OSBPL10: variants seen among roughly 807,000 people sequenced by gnomAD.
OSBPL10 encodes the protein oxysterol binding protein like 10.
Under a neutral mutation model 81.7 loss-of-function variants are expected in OSBPL10, and 49 were observed. The ratio of observed to expected loss-of-function variants is 0.60; its 90% CI spans 0.48 to 0.76. OSBPL10 has a LOEUF of 0.76. OSBPL10 is among the 30% of genes least tolerant of loss of function. The probability of loss-of-function intolerance (pLI) is 0.00; values close to 1 mark genes in which losing one functional copy is unlikely to be tolerated. For missense variants in OSBPL10, 923 were observed against 987.8 expected, an observed-to-expected ratio of 0.93 and a Z score of 0.88; for synonymous variants, 419 against 383.6, an observed-to-expected ratio of 1.09 and a Z score of -1.08.
At position 31,765,268 on chromosome 3, in the gene OSBPL10, G is replaced by A. The variant is rs150355582; in HGVS notation, c.730-17148C>T. 7.8e-3 allele frequency among the ~76,000 whole-genome samples: 1,181 copies of A among 151,936 alleles called. 14 individuals are homozygous for A. The highest frequency in any genetic ancestry group is 0.017 in the African/African-American group (694 of 41,440). Reference sequence around the variant, plus strand: ...ATCCAGGCTGGTCTAGAACCCCTGAGCAAGTGATCTGCCCACCTCAGCCTC... The same window carrying A: ...ATCCAGGCTGGTCTAGAACCCCTGAACAAGTGATCTGCCCACCTCAGCCTC... On this transcript the variant is annotated intron_variant, in intron 4 of 11. Coordinates refer to ENST00000396556, the MANE Select transcript of OSBPL10 (RefSeq NM_017784.5).
intron 4 of OSBPL10, among the ~76,000 whole-genome samples, chr3:31,753,732 TG>T (rs1697790490): frequency 6.6e-6 from 1 of 152,176 alleles, no homozygotes; most frequent in African/African-American, 2.4e-5. Flanking sequence ...TCAAAATCCT[TG>T]CCTTGTTGTT....
intron 1 of OSBPL10, among the ~76,000 whole-genome samples, chr3:31,950,793 T>G (rs990457036): frequency 6.6e-6 from 1 of 152,162 alleles, no homozygotes; most frequent in Non-Finnish European, 1.5e-5. Context: ...GAGCTGGTTG[T>G]TTAAAGGAGC....
At chr3:31,951,233 G>C (rs891922963) in intron 1 of OSBPL10, among the ~76,000 whole-genome samples, 7 of 150,814 alleles carry the variant, frequency 4.6e-5, no homozygotes, top group African/African-American at 9.8e-5. Context: ...ACTGAAGTTA[G>C]ACACAATAAC....
chr3:31,698,784 A>T (rs1695805593), intron 7 of OSBPL10, among the ~76,000 whole-genome samples: 1 of 152,112 alleles, frequency 6.6e-6, no homozygotes, highest in Non-Finnish European at 1.5e-5. Context: ...AATGTTACCT[A>T]GTAGAATCCT....
At chr3:31,989,368 AT>A in intron 2 of OSBPL10, 4 of 1,614,216 alleles carry the variant, frequency 2.5e-6, no homozygotes, top group Non-Finnish European at 3.4e-6. Flanking sequence ...AAGTCATCAC[AT>A]TGGAGATTTT....
intron 1 of OSBPL10, among the ~76,000 whole-genome samples, chr3:31,907,690 T>C (rs1696452059): frequency 7.2e-6 from 1 of 139,440 alleles, no homozygotes; most frequent in African/African-American, 2.7e-5. Flanking sequence ...CTAGTTCATA[T>C]AAGGACCAGG....
chr3:32,030,316 GA>G, intron 2 of OSBPL10: 2 of 464,334 alleles, frequency 4.3e-6, no homozygotes, highest in East Asian at 9.6e-5. Flanking sequence ...TGATACTGTG[GA>G]AATCAAGGGA....
intron 5 of OSBPL10, among the ~76,000 whole-genome samples, chr3:31,740,233 T>C (rs553166315): frequency 6.6e-6 from 1 of 152,128 alleles, no homozygotes; most frequent in African/African-American, 2.4e-5. Context: ...TTTGGAGAGA[T>C]GGGTTTCACC....
rs75842683 is a variant in OSBPL10 at position 31,850,909 on chromosome 3, T to A, written c.538-20678A>T. Among the ~76,000 whole-genome samples, 512 of 152,330 alleles carry A rather than the reference T, an allele frequency of 3.4e-3. 1 individual carries two copies. Among genetic ancestry groups the A allele is most frequent in the Non-Finnish European group, 5.2e-3 (351 of 68,040 alleles). On this transcript the variant is annotated intron_variant, in intron 3 of 11. Coordinates refer to ENST00000396556, the MANE Select transcript of OSBPL10 (RefSeq NM_017784.5). Reference sequence around the variant, plus strand: ...ATGATAGAACTATTGAGAAGAATACTCGAGTTTCTTCCATTCCTGAACTGC... The same window carrying A: ...ATGATAGAACTATTGAGAAGAATACACGAGTTTCTTCCATTCCTGAACTGC...
At chr3:31,902,598 T>C (rs760672845) in intron 1 of OSBPL10, among the ~76,000 whole-genome samples, 3 of 152,146 alleles carry the variant, frequency 2.0e-5, no homozygotes, top group Non-Finnish European at 4.4e-5. Context: ...AGTCTTGCTC[T>C]GTCGCCCAGG....
intron 1 of OSBPL10, among the ~76,000 whole-genome samples, chr3:31,929,665 G>A (rs986249920): frequency 7.3e-5 from 11 of 151,332 alleles, no homozygotes; most frequent in African/African-American, 2.2e-4. Flanking sequence ...GGAGAATGGC[G>A]TGAACCCGGG....
At chr3:31,855,009 G>C (rs560596578) in intron 3 of OSBPL10, among the ~76,000 whole-genome samples, 1 of 150,852 alleles carries the variant, frequency 6.6e-6, no homozygotes, top group Non-Finnish European at 1.5e-5. Flanking sequence ...TCATGGTTTT[G>C]TTTTGTTTTG....
intron 4 of OSBPL10, among the ~76,000 whole-genome samples, chr3:31,784,886 CG>C (rs1436880239): frequency 7.0e-5 from 1 of 14,228 alleles, no homozygotes; most frequent in Non-Finnish European, 2.1e-4. Context: ...TTTGGGGGGG[CG>C]GGGGGGTGGG....
At chr3:31,818,959 T>C (rs4955210) in intron 4 of OSBPL10, among the ~76,000 whole-genome samples, 45,003 of 152,214 alleles carry the variant, frequency 0.3, 7,344 homozygotes, top group Middle Eastern at 0.4. Flanking sequence ...TCTGAGACAC[T>C]GCCGTGTTAC....
chr3:31,910,051 G>A (rs1022755822), intron 1 of OSBPL10, among the ~76,000 whole-genome samples: 8 of 148,606 alleles, frequency 5.4e-5, no homozygotes, highest in Non-Finnish European at 8.9e-5. Context: ...GCACAATCTC[G>A]GCTCACTGCA....
intron 5 of OSBPL10, among the ~76,000 whole-genome samples, chr3:31,734,139 G>T (rs1333699689): frequency 6.6e-6 from 1 of 152,176 alleles, no homozygotes; most frequent in Non-Finnish European, 1.5e-5. Context: ...CCTGCAAAGT[G>T]AGCACAGGAT....
chr3:31,711,462 G>A (rs1696250147), intron 6 of OSBPL10, among the ~76,000 whole-genome samples: 1 of 152,168 alleles, frequency 6.6e-6, no homozygotes, highest in Admixed American at 6.5e-5. Context: ...AGCTAACTGA[G>A]GGTTTCATTT....
intron 3 of OSBPL10, among the ~76,000 whole-genome samples, chr3:31,871,057 C>T (rs113251577): frequency 0.026 from 4,014 of 152,252 alleles, 169 homozygotes; most frequent in African/African-American, 0.083. Context: ...ATCAGCAGGA[C>T]GTGGGTGGGG....
chr3:32,050,207 G>C (rs1389927761), intron 1 of OSBPL10, among the ~76,000 whole-genome samples: 1 of 152,148 alleles, frequency 6.6e-6, no homozygotes, highest in East Asian at 1.9e-4. Flanking sequence ...AACATATCTT[G>C]AGCAGTTAAA....
Sources: allele counts gnomAD v4.1 joint callset (sites outside exome capture counted in the v4.1 genomes callset), GRCh38; gene constraint gnomAD v4.1.1; transcripts MANE v1.5; gene names NCBI Gene and HGNC (gene_info 2026-07-23, HGNC 2026-07-21).